SLC17A6: variants seen among roughly 807,000 people sequenced by gnomAD.
SLC17A6 encodes the protein solute carrier family 17 member 6, also known as vesicular glutamate transporter 2.
SLC17A6 carries 35 observed loss-of-function variants against 67.1 expected under a neutral mutation model. The ratio of observed to expected loss-of-function variants is 0.52; its 90% confidence interval spans 0.40 to 0.69. The LOEUF is 0.69. SLC17A6 is among the 30% of genes least tolerant of loss of function. The pLI is 0.00. For missense variants in SLC17A6, 588 were observed against 723.9 expected (o/e 0.81, Z 2.15); for synonymous variants, 285 against 252.3 (o/e 1.13, Z -1.23).
At chr11:22,354,320 G>A (rs1303613507) in intron 3 of SLC17A6, among the ~76,000 whole-genome samples, 1 of 152,130 alleles carries the variant, frequency 6.6e-6, no homozygotes, top group Non-Finnish European at 1.5e-5. Context: ...CTGACCTCAG[G>A]CGATCCACCC....
In SLC17A6 at chr11:22,358,472, C is replaced by T. The variant is rs568170210; in HGVS notation, c.459-941C>T. ...CCTCCTGAGTAGCTGGGATTACAGG[C>T]GCACACCACCACAACCAGCTAATTA... On this transcript the variant is annotated intron_variant, in intron 3 of 11. Coordinates refer to ENST00000263160, the MANE Select transcript of SLC17A6 (RefSeq NM_020346.3). Among the ~76,000 whole-genome samples, 10 of 152,168 alleles carry T rather than the reference C, an allele frequency of 6.6e-5. No individual in the cohort carries two copies. In the East Asian group the frequency reaches 1.2e-3, roughly 18 times the overall value.
At chr11:22,342,512 C>G (rs539703206) in intron 2 of SLC17A6, among the ~76,000 whole-genome samples, 3 of 152,152 alleles carry the variant, frequency 2.0e-5, no homozygotes, top group African/African-American at 7.2e-5. Context: ...AGTTCTCAGG[C>G]GGGAAAAGCG....
intron 3 of SLC17A6, among the ~76,000 whole-genome samples, chr11:22,345,374 C>A (rs536887017): frequency 1.3e-5 from 2 of 150,718 alleles, no homozygotes; most frequent in African/African-American, 4.9e-5. Flanking sequence ...TGCAGTGGCA[C>A]GAACTGGGCT....
chr11:22,349,219 C>T (rs189809706), intron 3 of SLC17A6, among the ~76,000 whole-genome samples: 6 of 152,258 alleles, frequency 3.9e-5, no homozygotes, highest in African/African-American at 1.4e-4. Context: ...AGACTATGAA[C>T]ATAAATCCTG....
intron 7 of SLC17A6, among the ~76,000 whole-genome samples, chr11:22,369,399 T>C (rs184393177): frequency 3.9e-5 from 6 of 152,036 alleles, no homozygotes; most frequent in Non-Finnish European, 8.8e-5. Context: ...ACGCTGGGGG[T>C]AGACAAATGC....
In SLC17A6 at chr11:22,377,557, T is replaced by G. The variant is rs371161738; in HGVS notation, c.1566T>G (p.Asp522Glu). 2.4e-5 allele frequency: 39 copies of G among 1,614,008 alleles called. No homozygotes were observed. The highest frequency in any genetic ancestry group is 3.3e-5 in the Non-Finnish European group (39 of 1,180,016). Residue 522 changes from aspartate (D) to glutamate (E), a missense_variant, in exon 12 of 12, where the codon GAT becomes GAG. Physicochemically the swap from Asp to Glu is conservative, Grantham distance 45. Coordinates refer to ENST00000263160, the MANE Select transcript of SLC17A6 (RefSeq NM_020346.3). ...AAAAATGTGGATTTATTCATGAAGA[T>G]GAACTCGATGAAGAAACAGGGGACA... ...SEEKCGFIHEDELDEETGDIT... is the reference protein window; with the variant it reads ...SEEKCGFIHEEELDEETGDIT...
At chr11:22,369,756 A>G (rs1248241100) in intron 7 of SLC17A6, among the ~76,000 whole-genome samples, 1 of 152,012 alleles carries the variant, frequency 6.6e-6, no homozygotes, top group East Asian at 1.9e-4. Context: ...ACTAGGACCT[A>G]TGCTTTTGGA....
At chr11:22,347,557 A>G (rs1855892874) in intron 3 of SLC17A6, among the ~76,000 whole-genome samples, 1 of 152,216 alleles carries the variant, frequency 6.6e-6, no homozygotes, top group Non-Finnish European at 1.5e-5. Flanking sequence ...TTATTTTTGT[A>G]TGAATTTACC....
At chr11:22,376,150 AAG>A in intron 10 of SLC17A6, 58 bp downstream of exon 10, 1 of 1,154,610 alleles carries the variant, frequency 8.7e-7, no homozygotes, top group African/African-American at 1.5e-5. Context: ...CTGCTGATAA[AAG>A]ACACATACAT....
chr11:22,365,667 C>T lies in SLC17A6; in HGVS notation c.869C>T (p.Ala290Val). ...RYIEESIGESANLLGAMEKFK... is the reference protein window; with the variant it reads ...RYIEESIGESVNLLGAMEKFK... ...ATAGAAGAAAGCATTGGAGAGAGTGCAAATCTTTTAGGTGCAATGGAAGTA... is the reference window on the plus strand; with the variant it reads ...ATAGAAGAAAGCATTGGAGAGAGTGTAAATCTTTTAGGTGCAATGGAAGTA... Residue 290 changes from alanine to valine, a missense_variant, in exon 7 of 12, where the codon GCA becomes GTA. By Grantham distance (64) the Ala-to-Val change is moderately conservative (BLOSUM62 0). This residue lies in a region of SLC17A6 where 414 missense variants were observed against 563.4 expected (regional missense o/e 0.73). Coordinates refer to ENST00000263160, the MANE Select transcript of SLC17A6 (RefSeq NM_020346.3). The T allele has an allele frequency of 1.2e-6, 2 of 1,613,370 alleles. No individual in the cohort carries two copies. The highest frequency in any genetic ancestry group is 2.2e-5 in the South Asian group (2 of 90,994).
chr11:22,339,839 C>T (rs183382866), intron 1 of SLC17A6, among the ~76,000 whole-genome samples: 198 of 152,062 alleles, frequency 1.3e-3, no homozygotes, highest in Non-Finnish European at 1.5e-3. Context: ...TGTTCTTTCC[C>T]AGTACAACTG....
At chr11:22,340,972 G>T (rs1353221853) in intron 1 of SLC17A6, among the ~76,000 whole-genome samples, 3 of 152,174 alleles carry the variant, frequency 2.0e-5, no homozygotes, top group African/African-American at 7.2e-5. Flanking sequence ...TACCAGCATC[G>T]TCAACCTGGA....
At position 22,374,819 on chromosome 11, in the gene SLC17A6, T is replaced by C. The variant is rs1001746617; in HGVS notation, c.1106T>C (p.Ile369Thr). 5.0e-6 allele frequency: 8 copies of C among 1,613,584 alleles called. No individual in the cohort carries two copies. Among genetic ancestry groups the C allele is most frequent in the Admixed American group, 1.7e-5 (1 of 59,914 alleles). The change falls in exon 9 of 12, where the codon ATT (isoleucine) becomes ACT (threonine). Residue 369 changes from isoleucine (I) to threonine (T), a missense_variant. This residue lies in a region of SLC17A6 where 414 missense variants were observed against 563.4 expected (regional missense o/e 0.73). Transcript: ENST00000263160. Reference sequence around the variant, plus strand: ...ATTATTGTGCCTATTGGGGGACAAATTGCAGATTTTCTAAGAAGCAAGCAG... The same window carrying C: ...ATTATTGTGCCTATTGGGGGACAAACTGCAGATTTTCTAAGAAGCAAGCAG... ...MTIIVPIGGQ[I>T]ADFLRSKQIL...
chr11:22,368,044 T>A (rs943413658), intron 7 of SLC17A6, among the ~76,000 whole-genome samples: 1 of 152,186 alleles, frequency 6.6e-6, no homozygotes, highest in Non-Finnish European at 1.5e-5. Context: ...CTTGTCATAT[T>A]TATTTCACTT....
intron 6 of SLC17A6, among the ~76,000 whole-genome samples, chr11:22,364,306 A>T (rs189776319): frequency 1.3e-5 from 2 of 152,214 alleles, no homozygotes; most frequent in Admixed American, 1.3e-4. Flanking sequence ...TAAAATTACA[A>T]TATCTCTCAT....
At chr11:22,357,820 G>T (rs1856007695) in intron 3 of SLC17A6, among the ~76,000 whole-genome samples, 1 of 152,058 alleles carries the variant, frequency 6.6e-6, no homozygotes, top group Non-Finnish European at 1.5e-5. Flanking sequence ...AATTATCTTT[G>T]GCTTAAAACA....
intron 3 of SLC17A6, among the ~76,000 whole-genome samples, chr11:22,353,753 T>A (rs1029159369): frequency 8.5e-5 from 13 of 152,214 alleles, no homozygotes; most frequent in Non-Finnish European, 1.6e-4. Context: ...GCCTCTACCC[T>A]CTATAACAAA....
intron 8 of SLC17A6, among the ~76,000 whole-genome samples, chr11:22,372,133 G>A (rs1856181378): frequency 6.6e-6 from 1 of 151,756 alleles, no homozygotes; most frequent in Non-Finnish European, 1.5e-5. Context: ...TAGTTAAATT[G>A]GGTATCCTAC....
At chr11:22,354,387 T>G (rs1855975950) in intron 3 of SLC17A6, among the ~76,000 whole-genome samples, 1 of 152,182 alleles carries the variant, frequency 6.6e-6, no homozygotes, top group Non-Finnish European at 1.5e-5. Flanking sequence ...CCCGGCAATT[T>G]TATACTCTTA....
Sources: gnomAD v4.1 joint callset for allele counts (sites outside exome capture counted in the v4.1 genomes callset) on GRCh38, gnomAD v4.1.1 for gene constraint, gnomAD v4.1.1 regional missense constraint, MANE v1.5 for transcripts, NCBI Gene and HGNC (gene_info 2026-07-23, HGNC 2026-07-21) for gene names.